Variants in DIAPH3 observed in about 807,000 individuals in gnomAD.
The protein encoded by DIAPH3 is protein diaphanous homolog 3.
Under a neutral mutation model 144.3 loss-of-function variants are expected in DIAPH3, and 117 were observed. The ratio of observed to expected loss-of-function variants is 0.81; its 90% CI spans 0.70 to 0.95. The LOEUF is 0.95. Ranked by LOEUF, DIAPH3 falls within the 40% of genes least tolerant of loss-of-function variation. The probability of loss-of-function intolerance (pLI) is 0.00; values close to 1 mark genes in which losing one functional copy is unlikely to be tolerated. For synonymous variants in DIAPH3, 519 were observed against 488.9 expected (o/e 1.06, Z -0.81); for missense variants, 1,421 against 1,412.7 (o/e 1.01, Z -0.09).
chr13:60,132,899 T>G (rs893958305), intron 2 of DIAPH3, 58 bp downstream of exon 2: 35 of 1,419,396 alleles, frequency 2.5e-5, no homozygotes, highest in Non-Finnish European at 3.4e-5. Context: ...GAGCACACCA[T>G]CAACGTTATA....
At chr13:60,022,080 C>A (rs2054064815) in intron 5 of DIAPH3, among the ~76,000 whole-genome samples, 1 of 152,034 alleles carries the variant, frequency 6.6e-6, no homozygotes, top group Admixed American at 6.5e-5. Context: ...CATAGAAATA[C>A]AATTTTATAT....
At chr13:60,121,416 G>C (rs1165877613) in intron 2 of DIAPH3, among the ~76,000 whole-genome samples, 2 of 152,108 alleles carry the variant, frequency 1.3e-5, no homozygotes, top group Non-Finnish European at 2.9e-5. Context: ...AGAAATTGTG[G>C]TGGAAAAGGA....
At chr13:60,018,169 T>C (rs903647770) in intron 5 of DIAPH3, among the ~76,000 whole-genome samples, 5 of 152,188 alleles carry the variant, frequency 3.3e-5, no homozygotes, top group African/African-American at 7.2e-5. Flanking sequence ...TTCAACAATA[T>C]CCATATTCAA....
intron 23 of DIAPH3, among the ~76,000 whole-genome samples, chr13:59,836,918 TAAG>T (rs927636188): frequency 2.6e-5 from 4 of 152,006 alleles, no homozygotes; most frequent in African/African-American, 9.7e-5. Flanking sequence ...TTTTAACATC[TAAG>T]AAGCTCACAA....
chr13:60,005,205 C>T (rs940412497), intron 9 of DIAPH3, among the ~76,000 whole-genome samples: 5 of 152,060 alleles, frequency 3.3e-5, no homozygotes, highest in South Asian at 2.1e-4. Flanking sequence ...CCAACATGAA[C>T]GAACCTCTAA....
intron 1 of DIAPH3, 149 bp from the exon 2 acceptor site, chr13:60,133,138 T>C: frequency 3.4e-6 from 2 of 590,436 alleles, no homozygotes; most frequent in South Asian, 5.0e-5. Flanking sequence ...ATAATCGTTT[T>C]AATCTCTTTC....
chr13:59,918,173 C>T (rs181433678), intron 18 of DIAPH3, among the ~76,000 whole-genome samples: 11 of 147,552 alleles, frequency 7.5e-5, no homozygotes, highest in Admixed American at 2.7e-4. Context: ...TTACATCACC[C>T]GTATCAATCC....
chr13:59,792,647 CT>C (rs1164543061), intron 25 of DIAPH3, among the ~76,000 whole-genome samples: 1 of 152,178 alleles, frequency 6.6e-6, no homozygotes, highest in Non-Finnish European at 1.5e-5. Flanking sequence ...TCCTTTTCCT[CT>C]CTCTCTTTTC....
chr13:60,042,748 C>T lies in DIAPH3; in HGVS notation c.568G>A (p.Glu190Lys). The change falls in exon 5 of 28, where the codon GAG (glutamate) becomes AAG (lysine). Residue 190 changes from glutamate (E) to lysine (K), a missense_variant. Coordinates refer to ENST00000400324, the MANE Select transcript of DIAPH3 (RefSeq NM_001042517.2). ...IHELKMGSAD[E>K]RLVTCLESLR... ...GACTCCAGGCATGTGACAAGTCTCTCATCTGCAGACCCCATTTTCAGCTCA... is the reference window on the plus strand; with the variant it reads ...GACTCCAGGCATGTGACAAGTCTCTTATCTGCAGACCCCATTTTCAGCTCA... 6.2e-7 allele frequency: 1 copy of T among 1,613,798 alleles called. No individual in the cohort carries two copies. Among genetic ancestry groups the T allele is most frequent in the Non-Finnish European group, 8.5e-7 (1 of 1,179,800 alleles).
chr13:59,714,349 G>T, intron 27 of DIAPH3, among the ~76,000 whole-genome samples: 1 of 109,088 alleles, frequency 9.2e-6, no homozygotes, highest in Non-Finnish European at 1.9e-5. Flanking sequence ...GACAGAGCGA[G>T]ACTCCGTCTC....
At chr13:60,063,177 A>C (rs1018926749) in intron 4 of DIAPH3, among the ~76,000 whole-genome samples, 6 of 152,252 alleles carry the variant, frequency 3.9e-5, no homozygotes, top group Non-Finnish European at 8.8e-5. Context: ...CAATGTTTAT[A>C]ACATCTTCAC....
At position 59,879,469 on chromosome 13, in the gene DIAPH3, CTGAT is replaced by C. The variant is rs2044861603; in HGVS notation, c.2368-5_2368-2del. On this transcript the variant is annotated splice_acceptor_variant and splice_polypyrimidine_tract_variant and intron_variant, in intron 20 of 27. Transcript: ENST00000400324. LOFTEE classifies it high-confidence loss of function. ...GCCGTAGTCTCTTCACATTGCTCAT[CTGAT>C]TGAAAAGAAAACAGCAGATTTCCTT... is the stretch of plus-strand genomic sequence containing the variant. The C allele has an allele frequency of 3.7e-6, 6 of 1,613,538 alleles. No individual in the cohort carries two copies. The highest frequency in any genetic ancestry group is 5.1e-6 in the Non-Finnish European group (6 of 1,179,686).
At chr13:59,902,691 G>T (rs1289220444) in intron 20 of DIAPH3, among the ~76,000 whole-genome samples, 1 of 152,072 alleles carries the variant, frequency 6.6e-6, no homozygotes, top group South Asian at 2.1e-4. Context: ...CATGAGAATC[G>T]CATGAACTGG....
chr13:59,940,018 T>C (rs906774262), intron 17 of DIAPH3, among the ~76,000 whole-genome samples: 1 of 152,092 alleles, frequency 6.6e-6, no homozygotes, highest in Non-Finnish European at 1.5e-5. Flanking sequence ...CCAATGTCCA[T>C]ATTTAAAGTT....
intron 23 of DIAPH3, among the ~76,000 whole-genome samples, chr13:59,836,408 G>A (rs1245054920): frequency 6.6e-6 from 1 of 151,658 alleles, no homozygotes; most frequent in Non-Finnish European, 1.5e-5. Flanking sequence ...TAGTTACTGT[G>A]GAAATATTCA....
chr13:59,714,696 G>T (rs1274292303), intron 27 of DIAPH3, among the ~76,000 whole-genome samples: 1 of 151,872 alleles, frequency 6.6e-6, no homozygotes, highest in African/African-American at 2.4e-5. Context: ...TATCAGTTAG[G>T]ATGTTCCCAA....
At chr13:59,977,062 A>C (rs1409299041) in intron 14 of DIAPH3, among the ~76,000 whole-genome samples, 1 of 151,770 alleles carries the variant, frequency 6.6e-6, no homozygotes, top group East Asian at 1.9e-4. Context: ...CCCATTACGC[A>C]ATAAATATTT....
intron 3 of DIAPH3, among the ~76,000 whole-genome samples, chr13:60,109,772 C>T (rs1465290229): frequency 6.6e-6 from 1 of 152,020 alleles, no homozygotes; most frequent in African/African-American, 2.4e-5. Context: ...TCACCTTGTT[C>T]AAAAAACACT....
intron 25 of DIAPH3, among the ~76,000 whole-genome samples, chr13:59,808,875 G>A (rs2040322161): frequency 6.6e-6 from 1 of 152,182 alleles, no homozygotes; most frequent in African/African-American, 2.4e-5. Context: ...AATGTTTACA[G>A]TGATTTTTTG....
Sources: gnomAD v4.1 joint callset for allele counts (sites outside exome capture counted in the v4.1 genomes callset) on GRCh38, gnomAD v4.1.1 for gene constraint, MANE v1.5 for transcripts, NCBI Gene and HGNC (gene_info 2026-07-23, HGNC 2026-07-21) for gene names.